The following ZNF75D variants were observed in gnomAD, a reference collection of about 807,000 sequenced individuals.
The protein encoded by ZNF75D is zinc finger protein 75D, also known as zinc finger protein 75.
A neutral mutation model predicts 33.3 loss-of-function variants in ZNF75D; 33 were observed. The observed-to-expected ratio is 0.99, with a 90% CI of 0.75 to 1.32. The LOEUF (loss-of-function observed/expected upper bound fraction) is 1.32, where lower values mean the gene tolerates loss of function less well. ZNF75D is among the 40% of genes most tolerant of loss of function. The probability of loss-of-function intolerance (pLI) is 0.00; values close to 1 mark genes in which losing one functional copy is unlikely to be tolerated. For missense variants in ZNF75D, 338 were observed against 367.5 expected (o/e 0.92, Z 0.66); for synonymous variants, 113 against 130.6 (o/e 0.87, Z 0.92).
intron 1 of ZNF75D, among the ~76,000 whole-genome samples, chrX:135,270,487 A>T: frequency 9.3e-6 from 1 of 107,430 alleles, no homozygotes; most frequent in Non-Finnish European, 1.9e-5. Flanking sequence ...CCCTCCCTGT[A>T]AAACCATTTC....
rs1556445257 is a variant in ZNF75D, at chrX:135,342,403, A to G, written c.-1026T>C. ...ACAGGAATCTGCGTGTAAATCTTCAATAGAAAACCAGAGTCTGTCCATTTG... is the reference window on the plus strand; with the variant it reads ...ACAGGAATCTGCGTGTAAATCTTCAGTAGAAAACCAGAGTCTGTCCATTTG... On this transcript the variant is annotated 5_prime_UTR_variant, in exon 1 of 7. Transcript: ENST00000370766. The G allele has an allele frequency of 1.8e-5, 2 of 112,268 alleles. No homozygotes were observed. Among genetic ancestry groups the G allele is most frequent in the African/African-American group, 6.5e-5 (2 of 30,842 alleles). 9.3% of individuals were successfully genotyped at this position (112,268 alleles called of 1,213,427 possible).
intron 1 of ZNF75D, among the ~76,000 whole-genome samples, chrX:135,265,143 C>T (rs1239939016): frequency 1.8e-5 from 2 of 109,161 alleles, no homozygotes; most frequent in East Asian, 5.8e-4. Flanking sequence ...CGCTTGAACC[C>T]GGGAGGCAGA....
At chrX:135,283,619 T>C (rs1305224824), downstream of ZNF75D, among the ~76,000 whole-genome samples, 5 of 111,936 alleles carry the variant, frequency 4.5e-5, no homozygotes, top group African/African-American at 1.3e-4. Context: ...CCTCTGGGAA[T>C]AGTGGAACAC....
intron 1 of ZNF75D, among the ~76,000 whole-genome samples, chrX:135,309,049 C>A (rs1454363321): frequency 1.8e-5 from 2 of 112,103 alleles, no homozygotes; most frequent in Admixed American, 1.9e-4. Context: ...GCACAAAATG[C>A]AGTAGAAGAA....
Position 135,287,462 on chromosome X carries a change from C to A in ZNF75D, c.1208G>T (p.Arg403Ile). Reference protein sequence around the residue: ...YKCQQCDRRFRWSSDLNKHFM... With the variant: ...YKCQQCDRRFIWSSDLNKHFM... ...GTGCTTATTAAGATCTGAACTCCAT[C>A]TAAACCTCCTGTCACATTGTTGACA... The change falls in exon 7 of 7, where the codon AGA (arginine) becomes ATA (isoleucine). Residue 403 changes from arginine (R) to isoleucine (I), a missense_variant. By Grantham distance (97) the Arg-to-Ile change is moderately conservative (BLOSUM62 -3). Transcript: ENST00000370766. 1 of 1,211,410 alleles carries A rather than the reference C, an allele frequency of 8.3e-7. No individual in the cohort carries two copies. The highest frequency in any genetic ancestry group is 1.1e-6 in the Non-Finnish European group (1 of 895,338).
chrX:135,272,040 C>T (rs956244024), intron 1 of ZNF75D, among the ~76,000 whole-genome samples: 1 of 110,557 alleles, frequency 9.0e-6, no homozygotes, highest in Non-Finnish European at 1.9e-5. Context: ...AGCTGAATGG[C>T]TGCATTGCTT....
Position 135,257,662 on chromosome X carries a change from C to G in ZNF75D, n.828-1885G>C, listed in dbSNP as rs1030220030. ...GGCTTCACGTCAGGCCCAGTACAGT[C>G]CCAGTGGTGGTAGCCACAGAGGACT... On this transcript the variant is annotated intron_variant and non_coding_transcript_variant, in intron 1 of 3. Transcript: ENST00000494295. Among the ~76,000 whole-genome samples the G allele has an allele frequency of 2.7e-5, 3 of 112,338 alleles. No homozygotes were observed. The Admixed American group carries it at 2.8e-4, about 11-fold the overall frequency.
rs1556420129 is a variant in ZNF75D, at chrX:135,287,732, T to C, written c.938A>G (p.Lys313Arg). Residue 313 changes from lysine (K) to arginine (R), a missense_variant, in exon 7 of 7, where the codon AAA becomes AGA. Lys to Arg is a conservative substitution (Grantham distance 26). Around this residue, in one of 3 missense-constraint regions of ZNF75D, gnomAD observed 254 missense variants for 267.7 expected, o/e 0.95. Transcript: ENST00000370766. ...ACCAGGATTTTCCCTGCCCATTGTT[T>C]TCTGGGCAATTTTCATTCTGGTCTT... The part of the protein sequence containing the change: ...SKKTRMKIAQ[K>R]TMGRENPGDT... 15 of 1,210,086 alleles carry C rather than the reference T, an allele frequency of 1.2e-5. No individual in the cohort carries two copies. Among genetic ancestry groups the C allele is most frequent in the Middle Eastern group, 2.3e-4 (1 of 4,351 alleles).
In ZNF75D at chrX:135,341,828, T is replaced by G. The variant is rs2084788938; in HGVS notation, c.-451A>C. The G allele has an allele frequency of 8.9e-6, 1 of 112,490 alleles. No homozygotes were observed. The highest frequency in any genetic ancestry group is 1.9e-5 in the Non-Finnish European group (1 of 53,311). 9.3% of individuals were successfully genotyped at this position (112,490 alleles called of 1,213,427 possible). A position where few individuals can be genotyped will look rare whatever the true frequency, so the allele number is the denominator to read the frequency against. ...AAGATGGTAGTGGGTCATTGTAAACTAAGCCAGGTGATGACTCCAATTGCA... is the reference window on the plus strand; with the variant it reads ...AAGATGGTAGTGGGTCATTGTAAACGAAGCCAGGTGATGACTCCAATTGCA... On this transcript the variant is annotated 5_prime_UTR_variant, in exon 1 of 7. Coordinates refer to ENST00000370766, the MANE Select transcript of ZNF75D (RefSeq NM_007131.5).
chrX:135,268,178 C>T (rs1318519550), intron 1 of ZNF75D, among the ~76,000 whole-genome samples: 2 of 98,258 alleles, frequency 2.0e-5, no homozygotes, highest in African/African-American at 7.5e-5. Flanking sequence ...AAATTGAAAG[C>T]CTTTCCTCTA....
At chrX:135,270,746 C>A (rs1359582373) in intron 1 of ZNF75D, among the ~76,000 whole-genome samples, 2 of 110,969 alleles carry the variant, frequency 1.8e-5, no homozygotes, top group African/African-American at 6.5e-5. Context: ...TCATCTGGAT[C>A]CCTCACCCAT....
intron 1 of ZNF75D, among the ~76,000 whole-genome samples, chrX:135,275,630 C>T (rs1304867291): frequency 1.8e-5 from 2 of 109,959 alleles, no homozygotes; most frequent in Non-Finnish European, 3.8e-5. Context: ...TGTGTATGCA[C>T]ATATAAAACT....
Position 135,307,003 on chromosome X carries a change from G to A in ZNF75D, c.-390-10964C>T, listed in dbSNP as rs782426308. Among the ~76,000 whole-genome samples, 22 of 111,455 alleles carry A rather than the reference G, an allele frequency of 2.0e-4. 2 individuals carry two copies. In the South Asian group the frequency reaches 6.1e-3, roughly 31 times the overall value. ...CTATAATCCAGCTGGGATTATAGGTGTGAGCCACTGTGCCTGGCCTAGTAT... is the reference window on the plus strand; with the variant it reads ...CTATAATCCAGCTGGGATTATAGGTATGAGCCACTGTGCCTGGCCTAGTAT... On this transcript the variant is annotated intron_variant, in intron 1 of 6. Coordinates refer to ENST00000370766, the MANE Select transcript of ZNF75D (RefSeq NM_007131.5).
chrX:135,290,401 G>A (rs1323984944), intron 6 of ZNF75D, among the ~76,000 whole-genome samples: 1 of 112,376 alleles, frequency 8.9e-6, no homozygotes, highest in African/African-American at 3.2e-5. Flanking sequence ...TTGGAATTAT[G>A]TGAATTCTAA....
At chrX:135,259,620 T>C (rs2083829302) in intron 1 of ZNF75D, among the ~76,000 whole-genome samples, 2 of 111,853 alleles carry the variant, frequency 1.8e-5, no homozygotes, top group African/African-American at 6.5e-5. Context: ...ATAGGAATGC[T>C]TGTGAGTTTT....
At chrX:135,274,471 C>CT (rs1191081024) in intron 1 of ZNF75D, among the ~76,000 whole-genome samples, 3 of 111,454 alleles carry the variant, frequency 2.7e-5, no homozygotes, top group Non-Finnish European at 5.7e-5. Flanking sequence ...GTTAGCATGC[C>CT]TTTTTTTATG....
At position 135,285,826 on chromosome X, in the gene ZNF75D, T is replaced by G. The variant is rs1465338765; in HGVS notation, c.*1311A>C. The G allele has an allele frequency of 8.9e-5, 10 of 112,440 alleles. No individual in the cohort carries two copies. The highest frequency in any genetic ancestry group is 3.2e-4 in the African/African-American group (10 of 30,921). The allele number at this position is 112,440 out of a possible 1,213,427, so 9.3% of individuals were successfully genotyped here. The stretch of plus-strand genomic sequence containing the variant: ...ACAAAGTTTTGTTTATTGTCTAAAT[T>G]TAAGATAAAATGTGTCATTTTCATT... On this transcript the variant is annotated 3_prime_UTR_variant, in exon 7 of 7. Transcript: ENST00000370766.
intron 1 of ZNF75D, among the ~76,000 whole-genome samples, chrX:135,296,480 C>T (rs1556423037): frequency 1.8e-5 from 2 of 111,907 alleles, no homozygotes; most frequent in Non-Finnish European, 1.9e-5. Flanking sequence ...AAAGTCAGAA[C>T]CAGTTCAGCA....
chrX:135,311,248 G>A (rs2084355309), intron 1 of ZNF75D, among the ~76,000 whole-genome samples: 2 of 111,760 alleles, frequency 1.8e-5, no homozygotes, highest in East Asian at 2.8e-4. Flanking sequence ...AGACAAAATC[G>A]CTGAGAAGAG....
Sources: allele counts gnomAD v4.1 joint callset (sites outside exome capture counted in the v4.1 genomes callset), GRCh38; gene constraint gnomAD v4.1.1; regional missense constraint gnomAD v4.1.1; transcripts MANE v1.5; gene names NCBI Gene and HGNC (gene_info 2026-07-23, HGNC 2026-07-21).